Variants in DNAH14 observed in about 807,000 individuals in gnomAD.
DNAH14 encodes axonemal beta dynein heavy chain 14.
In DNAH14, 478 loss-of-function variants were observed where a neutral mutation model predicts 520.9. That is an observed-to-expected ratio of 0.92 (90% CI 0.85 to 0.99). The LOEUF (loss-of-function observed/expected upper bound fraction) is 0.99. Among genes scored for constraint, DNAH14 ranks in the 50% least tolerant of loss-of-function variants. DNAH14 has a pLI of 0.00. For missense variants in DNAH14, 4,831 were observed against 5,234.5 expected (o/e 0.92, Z 2.38); for synonymous variants, 1,581 against 1,757.2 (o/e 0.90, Z 2.51).
chr1:225,047,225 A>G (rs1288345715), intron 15 of DNAH14, among the ~76,000 whole-genome samples: 12 of 152,064 alleles, frequency 7.9e-5, no homozygotes, highest in Admixed American at 6.5e-4. Flanking sequence ...TCAGACCCCA[A>G]TCCAATACCT....
At chr1:225,082,423 G>A in intron 19 of DNAH14, 126 bp from the exon 20 acceptor site, 1 of 667,118 alleles carries the variant, frequency 1.5e-6, no homozygotes, top group Non-Finnish European at 2.4e-6. Flanking sequence ...TTATTTTAAT[G>A]TAGTTTAATA....
chr1:225,077,624 T>G (rs1345222067), intron 17 of DNAH14, among the ~76,000 whole-genome samples: 1 of 152,190 alleles, frequency 6.6e-6, no homozygotes. Flanking sequence ...TACTGAATTA[T>G]TTTATTTGAT....
chr1:225,174,796 G>A (rs2149254452), intron 36 of DNAH14, among the ~76,000 whole-genome samples: 1 of 152,272 alleles, frequency 6.6e-6, no homozygotes, highest in Non-Finnish European at 1.5e-5. Flanking sequence ...TCAGGATGAT[G>A]TTAGCTGTGG....
chr1:225,016,009 A>T (rs1572480640), intron 10 of DNAH14, among the ~76,000 whole-genome samples: 1 of 152,314 alleles, frequency 6.6e-6, no homozygotes, highest in South Asian at 2.1e-4. Context: ...ATTTTTTGGC[A>T]TGATGTCCAC....
At chr1:225,226,808 G>C (rs576065933) in intron 41 of DNAH14, among the ~76,000 whole-genome samples, 3 of 152,278 alleles carry the variant, frequency 2.0e-5, no homozygotes, top group Admixed American at 1.3e-4. Flanking sequence ...TTCTGGCAAG[G>C]GGGATGTGGC....
intron 15 of DNAH14, among the ~76,000 whole-genome samples, 153 bp downstream of exon 15, chr1:225,044,136 T>G (rs2067727597): frequency 6.6e-6 from 1 of 152,130 alleles, no homozygotes; most frequent in South Asian, 2.1e-4. Flanking sequence ...AACACTGAAT[T>G]TGGAATTATT....
At chr1:225,145,271 A>G (rs1481136873) in intron 29 of DNAH14, 55 bp from the exon 30 acceptor site, 1 of 1,381,154 alleles carries the variant, frequency 7.2e-7, no homozygotes, top group South Asian at 1.3e-5. Context: ...CAGTTTTAAC[A>G]TTAGTATTTT....
In DNAH14 at chr1:225,371,552, C is replaced by T. The variant is rs570535960; in HGVS notation, c.12319-3136C>T. On this transcript the variant is annotated intron_variant, in intron 77 of 85. Coordinates refer to ENST00000682510, the MANE Select transcript of DNAH14 (RefSeq NM_001367479.1). ...GCCCATTATCACCACTGTCATTCAA[C>T]AGTGTCTTAGAATTTCTAGTAAATT... Among the ~76,000 whole-genome samples, 6 of 152,212 alleles carry T rather than the reference C, an allele frequency of 3.9e-5. 1 individual carries two copies. The highest frequency in any genetic ancestry group is 1.4e-4 in the African/African-American group (6 of 41,546).
intron 45 of DNAH14, 48 bp downstream of exon 45, chr1:225,258,166 T>C: frequency 7.1e-7 from 1 of 1,408,642 alleles, no homozygotes; most frequent in Middle Eastern, 1.8e-4. Flanking sequence ...TAGAAAAAGA[T>C]TTACAGATAT....
intron 1 of DNAH14, among the ~76,000 whole-genome samples, chr1:224,942,752 T>C (rs1255940252): frequency 6.6e-6 from 1 of 152,022 alleles, no homozygotes; most frequent in Non-Finnish European, 1.5e-5. Flanking sequence ...TTCACATCTA[T>C]TGAGATAATC....
At chr1:225,247,515 G>A (rs865855831) in intron 43 of DNAH14, among the ~76,000 whole-genome samples, 5 of 152,146 alleles carry the variant, frequency 3.3e-5, no homozygotes, top group African/African-American at 7.2e-5. Context: ...AGTGATGAGC[G>A]AGAGGATCTG....
chr1:225,081,813 C>T (rs2073157073), intron 19 of DNAH14, among the ~76,000 whole-genome samples: 1 of 152,102 alleles, frequency 6.6e-6, no homozygotes, highest in Non-Finnish European at 1.5e-5. Flanking sequence ...GTTTTGAATC[C>T]TGTACTTCAG....
chr1:225,008,369 G>C (rs1257871961), intron 10 of DNAH14, among the ~76,000 whole-genome samples: 1 of 152,074 alleles, frequency 6.6e-6, no homozygotes, highest in Non-Finnish European at 1.5e-5. Flanking sequence ...ATTGTGAATA[G>C]TGCTGCAATA....
At position 225,322,655 on chromosome 1, in the gene DNAH14, C is replaced by A; in HGVS notation, c.9336-9C>A. The A allele has an allele frequency of 6.7e-7, 1 of 1,489,778 alleles. No homozygotes were observed. 92.3% of individuals were successfully genotyped at this position (1,489,778 alleles called of 1,614,324 possible). On this transcript the variant is annotated splice_polypyrimidine_tract_variant and intron_variant, in intron 61 of 85. Transcript: ENST00000682510. ...GTGAAGTTGATGAGATTTTCATCAT[C>A]TATTACAGAGTATACACACGGCCTC...
At chr1:224,958,459 CAG>C (rs528500590) in intron 3 of DNAH14, among the ~76,000 whole-genome samples, 54 of 152,038 alleles carry the variant, frequency 3.6e-4, no homozygotes, top group African/African-American at 1.3e-3. Context: ...GTGAGGCCAA[CAG>C]AAAGTGGGAG....
intron 1 of DNAH14, among the ~76,000 whole-genome samples, chr1:224,951,874 C>T (rs1441510462): frequency 6.6e-6 from 1 of 151,848 alleles, no homozygotes; most frequent in Admixed American, 6.6e-5. Context: ...CTCCTGACCT[C>T]GTGATCCACC....
At chr1:225,203,040 C>G (rs1416481358) in intron 38 of DNAH14, among the ~76,000 whole-genome samples, 1 of 152,162 alleles carries the variant, frequency 6.6e-6, no homozygotes, top group East Asian at 1.9e-4. Context: ...TTTGGACACT[C>G]TCAGTATTTC....
intron 66 of DNAH14, among the ~76,000 whole-genome samples, chr1:225,335,111 A>G (rs1239985866): frequency 6.7e-6 from 1 of 148,184 alleles, no homozygotes; most frequent in Non-Finnish European, 1.5e-5. Flanking sequence ...GTATATATAC[A>G]TATATACATG....
intron 76 of DNAH14, among the ~76,000 whole-genome samples, chr1:225,365,433 G>C (rs796104688): frequency 1.3e-4 from 20 of 152,286 alleles, no homozygotes; most frequent in African/African-American, 4.8e-4. Flanking sequence ...TAGGCAGAAG[G>C]GGGTACCCAG....
Sources: allele counts gnomAD v4.1 joint callset (sites outside exome capture counted in the v4.1 genomes callset), GRCh38; gene constraint gnomAD v4.1.1; transcripts MANE v1.5; gene names NCBI Gene and HGNC (gene_info 2026-07-23, HGNC 2026-07-21).